The following CACNA2D3 variants were observed in gnomAD, a reference collection of about 807,000 sequenced individuals.
CACNA2D3 encodes the protein calcium voltage-gated channel auxiliary subunit alpha2delta 3.
A neutral mutation model predicts 160.6 loss-of-function variants in CACNA2D3; 60 were observed. That is an observed-to-expected ratio of 0.37 (90% CI 0.30 to 0.46). The LOEUF (loss-of-function observed/expected upper bound fraction) is 0.46, where lower values mean the gene tolerates loss of function less well. Ranked by LOEUF, CACNA2D3 falls within the 20% of genes least tolerant of loss-of-function variation. CACNA2D3 has a pLI of 1.00. For synonymous variants in CACNA2D3, 558 were observed against 492.9 expected (o/e 1.13, Z -1.75); for missense variants, 1,205 against 1,365.0 (o/e 0.88, Z 1.85).
At chr3:54,884,814 A>G (rs1397893392) in intron 21 of CACNA2D3, among the ~76,000 whole-genome samples, 1 of 152,172 alleles carries the variant, frequency 6.6e-6, no homozygotes, top group Non-Finnish European at 1.5e-5. Flanking sequence ...CACCCTCACA[A>G]CCACACATCA....
At chr3:54,627,444 G>A (rs1183647439) in intron 9 of CACNA2D3, among the ~76,000 whole-genome samples, 1 of 152,158 alleles carries the variant, frequency 6.6e-6, no homozygotes, top group East Asian at 1.9e-4. Flanking sequence ...CATATGCAGA[G>A]TCCTAAATGT....
rs759970731 is a variant in CACNA2D3 at position 54,927,858 on chromosome 3, T to G, written c.2449+27990T>G. The G allele has an allele frequency of 1.9e-6, 3 of 1,607,818 alleles. No individual in the cohort carries two copies. The East Asian group carries it at 6.7e-5, about 36-fold the overall frequency. ...GATACCTTTGTGAGGGGATACCATC[T>G]TTCTCCCAGACAAGAACTTTTCCAA... is the stretch of plus-strand genomic sequence containing the variant. On this transcript the variant is annotated intron_variant, in intron 27 of 37. Transcript: ENST00000474759.
chr3:54,231,475 A>G lies in CACNA2D3; in HGVS notation c.205-88967A>G, dbSNP rs372490800. 3.3e-5 allele frequency among the ~76,000 whole-genome samples: 5 copies of G among 152,210 alleles called. No individual in the cohort carries two copies. In the East Asian group the frequency reaches 7.7e-4, roughly 23 times the overall value. Reference sequence around the variant, plus strand: ...AAAGCAATGTGTTAGTTAATATGTCAGTAAATTCATCAGGTACTCTCTGAG... The same window carrying G: ...AAAGCAATGTGTTAGTTAATATGTCGGTAAATTCATCAGGTACTCTCTGAG... On this transcript the variant is annotated intron_variant, in intron 2 of 37. Transcript: ENST00000474759.
intron 3 of CACNA2D3, among the ~76,000 whole-genome samples, chr3:54,363,868 C>T (rs997583466): frequency 6.6e-6 from 1 of 152,162 alleles, no homozygotes; most frequent in Non-Finnish European, 1.5e-5. Flanking sequence ...GCTTCCTTCT[C>T]CTCTTAGCAT....
intron 13 of CACNA2D3, among the ~76,000 whole-genome samples, chr3:54,792,139 T>C (rs1477302034): frequency 6.6e-6 from 1 of 152,156 alleles, no homozygotes; most frequent in Non-Finnish European, 1.5e-5. Context: ...GACACCTGAG[T>C]GTTTTCCCAG....
intron 2 of CACNA2D3, among the ~76,000 whole-genome samples, chr3:54,143,194 AG>A (rs1245936789): frequency 5.3e-5 from 8 of 152,194 alleles, no homozygotes; most frequent in African/African-American, 1.9e-4. Flanking sequence ...AGAAGCTCCC[AG>A]GGCAGTTGTC....
intron 2 of CACNA2D3, among the ~76,000 whole-genome samples, chr3:54,276,402 C>G (rs1045167175): frequency 6.6e-6 from 1 of 151,962 alleles, no homozygotes; most frequent in East Asian, 1.9e-4. Context: ...AACCCTGTCT[C>G]TACTAAAAAA....
chr3:54,413,388 A>ATATATATATC (rs199955264), intron 4 of CACNA2D3, among the ~76,000 whole-genome samples: 13 of 146,572 alleles, frequency 8.9e-5, no homozygotes, highest in East Asian at 3.9e-4. Context: ...TTCTAGATGC[A>ATATATATATC]TATATATATC....
chr3:54,844,938 A>G (rs1459703315), intron 16 of CACNA2D3, among the ~76,000 whole-genome samples: 6 of 152,210 alleles, frequency 3.9e-5, no homozygotes, highest in Admixed American at 1.3e-4. Flanking sequence ...CAAACTCTCA[A>G]GATTTTTTTT....
intron 2 of CACNA2D3, among the ~76,000 whole-genome samples, chr3:54,249,662 TACACACACACACACACACAC>T (rs10656572): frequency 1.5e-5 from 2 of 132,846 alleles, no homozygotes; most frequent in African/African-American, 5.6e-5. Context: ...TCTGTTTACG[TACACACACACACACACACAC>T]ACACACACAC....
intron 4 of CACNA2D3, among the ~76,000 whole-genome samples, chr3:54,405,541 C>T (rs190491631): frequency 1.4e-3 from 212 of 151,892 alleles, no homozygotes; most frequent in African/African-American, 3.7e-3. Flanking sequence ...GAAATTGGAC[C>T]CTTATCTTAT....
chr3:54,951,643 T>A (rs1205913946), intron 27 of CACNA2D3, among the ~76,000 whole-genome samples: 1 of 151,140 alleles, frequency 6.6e-6, no homozygotes, highest in African/African-American at 2.5e-5. Flanking sequence ...CGTGCAGGGC[T>A]CCAGTCCCAG....
At position 54,870,494 on chromosome 3, in the gene CACNA2D3, G is replaced by T. The variant is rs532113340; in HGVS notation, c.1627-1045G>T. ...AACCGTAACTGATGAACGTGTAAAG[G>T]GGTTGCTAATCCTTAGCCTGCAGCA... On this transcript the variant is annotated intron_variant, in intron 17 of 37. Coordinates refer to ENST00000474759, the MANE Select transcript of CACNA2D3 (RefSeq NM_018398.3). Among the ~76,000 whole-genome samples the T allele has an allele frequency of 4.6e-4, 70 of 152,188 alleles. 1 individual carries two copies. The highest frequency in any genetic ancestry group is 5.3e-4 in the Non-Finnish European group (36 of 68,000).
intron 14 of CACNA2D3, among the ~76,000 whole-genome samples, chr3:54,828,772 A>G (rs539965126): frequency 3.9e-5 from 6 of 152,348 alleles, no homozygotes; most frequent in African/African-American, 1.4e-4. Context: ...TAAACAAGTT[A>G]AAATGCAGTG....
chr3:54,370,879 A>G (rs1698915722), intron 3 of CACNA2D3, among the ~76,000 whole-genome samples: 1 of 149,190 alleles, frequency 6.7e-6, no homozygotes, highest in Non-Finnish European at 1.5e-5. Flanking sequence ...TTTTTCCTTC[A>G]ATCTCAGCAT....
At chr3:55,025,702 T>TG in intron 35 of CACNA2D3, among the ~76,000 whole-genome samples, 1 of 150,658 alleles carries the variant, frequency 6.6e-6, no homozygotes, top group African/African-American at 2.4e-5. Flanking sequence ...ATGGCTAGTC[T>TG]GTTTTAGCTC....
At chr3:54,148,217 C>T (rs1700073627) in intron 2 of CACNA2D3, among the ~76,000 whole-genome samples, 1 of 152,232 alleles carries the variant, frequency 6.6e-6, no homozygotes, top group Non-Finnish European at 1.5e-5. Flanking sequence ...ATACTACATA[C>T]AGTGCTGGGA....
intron 29 of CACNA2D3, among the ~76,000 whole-genome samples, chr3:54,974,634 G>A (rs1015485655): frequency 2.6e-5 from 4 of 152,280 alleles, no homozygotes; most frequent in Admixed American, 6.5e-5. Context: ...TGAGTAATAC[G>A]GAGCCATCCG....
chr3:54,806,854 A>C (rs1396688073), intron 13 of CACNA2D3, among the ~76,000 whole-genome samples: 1 of 152,170 alleles, frequency 6.6e-6, no homozygotes, highest in Non-Finnish European at 1.5e-5. Context: ...ACCAAAACAG[A>C]GATATAGATC....
Sources: gnomAD v4.1 joint callset for allele counts (sites outside exome capture counted in the v4.1 genomes callset) on GRCh38, gnomAD v4.1.1 for gene constraint, MANE v1.5 for transcripts, NCBI Gene and HGNC (gene_info 2026-07-23, HGNC 2026-07-21) for gene names.